RAB40C: variants seen among roughly 807,000 people sequenced by gnomAD.
RAB40C encodes the protein ras-related protein Rab-40C.
Under a neutral mutation model 28.1 loss-of-function variants are expected in RAB40C, and 8 were observed. That is an observed-to-expected ratio of 0.28 (90% CI 0.17 to 0.51). The LOEUF (loss-of-function observed/expected upper bound fraction) is 0.51, where lower values mean the gene tolerates loss of function less well. RAB40C is among the 20% of genes least tolerant of loss of function. The pLI is 0.97. For missense variants in RAB40C, 288 were observed against 405.9 expected, an observed-to-expected ratio of 0.71 and a Z score of 2.50; for synonymous variants, 201 against 171.7, an observed-to-expected ratio of 1.17 and a Z score of -1.34.
At chr16:592,798 C>T (rs1443208672) in intron 1 of RAB40C, among the ~76,000 whole-genome samples, 1 of 152,248 alleles carries the variant, frequency 6.6e-6, no homozygotes, top group Non-Finnish European at 1.5e-5. Context: ...CTGGCCAGCT[C>T]GCCTACCCAA....
chr16:608,602 G>C (rs2036415647), intron 1 of RAB40C, among the ~76,000 whole-genome samples: 2 of 152,180 alleles, frequency 1.3e-5, no homozygotes, highest in Admixed American at 1.3e-4. Flanking sequence ...GGCCATGGTG[G>C]CTCACGCCTG....
intron 1 of RAB40C, 117 bp downstream of exon 1, chr16:590,550 T>A: frequency 7.8e-7 from 1 of 1,274,304 alleles, no homozygotes; most frequent in Non-Finnish European, 1.0e-6. Context: ...CAGGAACGCC[T>A]TTGCCTGGCT....
In RAB40C at chr16:613,431, G is replaced by T. The variant is rs150890093; in HGVS notation, c.143-3777G>T. Among the ~76,000 whole-genome samples the T allele has an allele frequency of 6.5e-3, 985 of 152,222 alleles. 8 individuals carry two copies. The highest frequency in any genetic ancestry group is 0.022 in the African/African-American group (933 of 41,534). ...CAAGAGCAGGACTGCCGCCCTGGCCGGTAGAATCAAGAGCACAGTGCAGCA... is the reference window on the plus strand; with the variant it reads ...CAAGAGCAGGACTGCCGCCCTGGCCTGTAGAATCAAGAGCACAGTGCAGCA... On this transcript the variant is annotated intron_variant, in intron 1 of 5. Coordinates refer to ENST00000248139, the MANE Select transcript of RAB40C (RefSeq NM_021168.5).
intron 1 of RAB40C, among the ~76,000 whole-genome samples, chr16:598,698 T>G (rs1953898449): frequency 6.6e-6 from 1 of 151,620 alleles, no homozygotes; most frequent in African/African-American, 2.4e-5. Flanking sequence ...GTCTGACTGT[T>G]GCACTACGTT....
intron 2 of RAB40C, among the ~76,000 whole-genome samples, chr16:617,669 G>T (rs12920971): frequency 2.6e-5 from 4 of 151,896 alleles, no homozygotes; most frequent in Admixed American, 2.6e-4. Flanking sequence ...ATGGTGAAAC[G>T]CCATCTCTAC....
chr16:625,007 G>A (rs1160373094), intron 3 of RAB40C: 2 of 1,290,122 alleles, frequency 1.6e-6, no homozygotes, highest in African/African-American at 1.5e-5. Context: ...CAAGTTTTAG[G>A]TTGGAAAACT....
At chr16:622,750 T>A (rs570096488) in intron 3 of RAB40C, among the ~76,000 whole-genome samples, 6 of 152,218 alleles carry the variant, frequency 3.9e-5, no homozygotes, top group Non-Finnish European at 5.9e-5. Flanking sequence ...GTGATCCGCC[T>A]GCCTCGGCCT....
At chr16:597,546 C>G (rs1740170669) in intron 1 of RAB40C, among the ~76,000 whole-genome samples, 1 of 151,210 alleles carries the variant, frequency 6.6e-6, no homozygotes, top group Non-Finnish European at 1.5e-5. Flanking sequence ...TTCGATGGCA[C>G]TATCTTGGCT....
rs372878573 is a variant in RAB40C at position 627,511 on chromosome 16, C to A, written c.735C>A (p.Ser245Arg). ...ACGGCCGTTCCTACTCCCTGGCCAGCGGGGCCGGGGGCGGCGGCAGCAAGG... is the reference window on the plus strand; with the variant it reads ...ACGGCCGTTCCTACTCCCTGGCCAGAGGGGCCGGGGGCGGCGGCAGCAAGG... Reference protein sequence around the residue: ...MMHGRSYSLASGAGGGGSKGN... With the variant: ...MMHGRSYSLARGAGGGGSKGN... Residue 245 changes from serine (S) to arginine (R), a missense_variant, in exon 6 of 6, where the codon AGC becomes AGA. Transcript: ENST00000248139. 2 of 1,613,782 alleles carry A rather than the reference C, an allele frequency of 1.2e-6. No individual in the cohort carries two copies. The highest frequency in any genetic ancestry group is 4.5e-5 in the East Asian group (2 of 44,890).
chr16:600,408 A>G (rs956013955), intron 1 of RAB40C, among the ~76,000 whole-genome samples: 3 of 152,288 alleles, frequency 2.0e-5, no homozygotes, highest in East Asian at 1.9e-4. Context: ...ATAGAAATGG[A>G]TGTCACCTAA....
chr16:595,261 C>T (rs1417029971), intron 1 of RAB40C, among the ~76,000 whole-genome samples: 3 of 152,312 alleles, frequency 2.0e-5, no homozygotes, highest in South Asian at 2.1e-4. Context: ...CGTGTAGCCC[C>T]CACCACCACC....
At chr16:591,577 G>GTTTTCTTTTC (rs778849580) in intron 1 of RAB40C, among the ~76,000 whole-genome samples, 1 of 151,624 alleles carries the variant, frequency 6.6e-6, no homozygotes, top group Admixed American at 6.6e-5. Flanking sequence ...GTTTTGTTTT[G>GTTTTCTTTTC]TTTTCTTTTC....
intron 1 of RAB40C, among the ~76,000 whole-genome samples, chr16:602,553 C>T (rs1378218172): frequency 1.3e-5 from 2 of 152,076 alleles, no homozygotes; most frequent in African/African-American, 2.4e-5. Flanking sequence ...CTCAGCCCCC[C>T]GAGTAGCTGG....
upstream of RAB40C, chr16:589,626 A>T (rs893362910): frequency 6.6e-6 from 1 of 152,288 alleles, no homozygotes; most frequent in Non-Finnish European, 1.5e-5. Flanking sequence ...GCGGGCGAGG[A>T]CAACGGCGTT....
chr16:592,302 G>A (rs369707215), intron 1 of RAB40C, among the ~76,000 whole-genome samples: 3 of 152,334 alleles, frequency 2.0e-5, no homozygotes, highest in East Asian at 1.9e-4. Context: ...CTCTCAACTC[G>A]GGGGTTGGCA....
chr16:624,953 G>A (rs994968985), intron 3 of RAB40C: 2 of 1,288,890 alleles, frequency 1.6e-6, no homozygotes, highest in African/African-American at 3.0e-5. Context: ...CTGGCTGGGG[G>A]AGCTTCACAG....
intron 5 of RAB40C, among the ~76,000 whole-genome samples, chr16:626,341 C>A (rs911446610): frequency 6.6e-6 from 1 of 152,184 alleles, no homozygotes; most frequent in South Asian, 2.1e-4. Context: ...GATGACCCCC[C>A]CTCAGGGTGC....
chr16:617,024 G>A, intron 1 of RAB40C, 184 bp from the exon 2 acceptor site: 4 of 638,384 alleles, frequency 6.3e-6, no homozygotes, highest in Admixed American at 5.1e-5. Context: ...TGCAGAAGTG[G>A]GCAGGCCTGG....
intron 1 of RAB40C, among the ~76,000 whole-genome samples, chr16:605,761 G>A (rs1302871481): frequency 1.3e-5 from 2 of 152,192 alleles, no homozygotes; most frequent in Non-Finnish European, 2.9e-5. Flanking sequence ...AGGAGTCTCA[G>A]ACGCGTTTGG....
Sources: allele counts gnomAD v4.1 joint callset (sites outside exome capture counted in the v4.1 genomes callset), GRCh38; gene constraint gnomAD v4.1.1; transcripts MANE v1.5; gene names NCBI Gene and HGNC (gene_info 2026-07-23, HGNC 2026-07-21).